The following IGFL4 variants were observed in gnomAD, a reference collection of about 807,000 sequenced individuals.
The protein encoded by IGFL4 is insulin growth factor-like family member 4.
IGFL4 carries 12 observed loss-of-function variants against 15.4 expected under a neutral mutation model. The ratio of observed to expected loss-of-function variants is 0.78; its 90% CI spans 0.50 to 1.26. The LOEUF is 1.26. IGFL4 is among the 50% of genes most tolerant of loss of function. IGFL4 has a pLI of 0.00. For synonymous variants in IGFL4, 54 were observed against 55.9 expected, an observed-to-expected ratio of 0.97 and a Z score of 0.16; for missense variants, 126 against 147.8, an observed-to-expected ratio of 0.85 and a Z score of 0.76.
intron 2 of IGFL4, among the ~76,000 whole-genome samples, chr19:46,048,768 A>G (rs1458048354): frequency 1.3e-5 from 2 of 152,236 alleles, no homozygotes; most frequent in African/African-American, 4.8e-5. Context: ...AAAATCAGAT[A>G]GGACACAAAT....
At chr19:46,046,932 C>G (rs190741838) in intron 2 of IGFL4, among the ~76,000 whole-genome samples, 77 of 152,278 alleles carry the variant, frequency 5.1e-4, no homozygotes, top group Non-Finnish European at 8.2e-4. Context: ...ACTCTCTACC[C>G]CAAACAACAG....
upstream of IGFL4, among the ~76,000 whole-genome samples, chr19:46,044,794 A>G (rs1969282205): frequency 6.6e-6 from 1 of 152,188 alleles, no homozygotes; most frequent in Non-Finnish European, 1.5e-5. Flanking sequence ...GCTGTTTTGC[A>G]GCCTTCACTG....
intron 1 of IGFL4, among the ~76,000 whole-genome samples, chr19:46,069,870 C>A (rs1338302593): frequency 1.3e-5 from 2 of 152,098 alleles, no homozygotes; most frequent in Non-Finnish European, 2.9e-5. Flanking sequence ...AAAATCTAAA[C>A]AATAGATTAG....
intron 2 of IGFL4, among the ~76,000 whole-genome samples, chr19:46,053,361 C>A (rs1969365353): frequency 6.6e-6 from 1 of 152,110 alleles, no homozygotes; most frequent in Admixed American, 6.5e-5. Context: ...ATTACAGGCA[C>A]CCACCACCAC....
chr19:46,046,423 G>A (rs1969297923), intron 2 of IGFL4, among the ~76,000 whole-genome samples: 1 of 152,174 alleles, frequency 6.6e-6, no homozygotes, highest in Non-Finnish European at 1.5e-5. Flanking sequence ...AACCTTAAAT[G>A]TAAGTGGGCT....
intron 1 of IGFL4, among the ~76,000 whole-genome samples, chr19:46,073,808 T>C (rs1049984448): frequency 3.3e-5 from 5 of 152,188 alleles, no homozygotes; most frequent in African/African-American, 1.2e-4. Flanking sequence ...CAACTTCTTT[T>C]CTGGACACTG....
At chr19:46,046,063 C>A (rs4803893) in intron 2 of IGFL4, among the ~76,000 whole-genome samples, 73,930 of 151,954 alleles carry the variant, frequency 0.49, 18,608 homozygotes, top group Non-Finnish European at 0.55. Context: ...TACCAGCGGA[C>A]CTCTCAGTGG....
At chr19:46,041,837 C>CTTTTTT (rs11334515), upstream of IGFL4, among the ~76,000 whole-genome samples, 49 of 109,864 alleles carry the variant, frequency 4.5e-4, no homozygotes, top group African/African-American at 1.6e-3. Context: ...TCCTCTCTCT[C>CTTTTTT]TTTTTTTTTT....
Position 46,050,355 on chromosome 19 carries a change from G to A in IGFL4, c.-322-9245C>T, listed in dbSNP as rs116876730. Among the ~76,000 whole-genome samples, 38 of 152,234 alleles carry A rather than the reference G, an allele frequency of 2.5e-4. No homozygotes were observed. In the East Asian group the frequency reaches 6.9e-3, roughly 28 times the overall value. ...TGCCAGAAAAAGAATTCAGAAGATC[G>A]ATTATGAAGCCAACCAAGGAGGCAC... On this transcript the variant is annotated intron_variant, in intron 2 of 5. Coordinates refer to the IGFL4 transcript ENST00000601672.
intron 1 of IGFL4, among the ~76,000 whole-genome samples, chr19:46,067,725 C>T (rs1969508307): frequency 6.6e-6 from 1 of 152,116 alleles, no homozygotes; most frequent in Admixed American, 6.5e-5. Context: ...GGGGCTCTGA[C>T]AGGGCCCCAG....
chr19:46,039,835 A>G lies in IGFL4; in HGVS notation c.*57T>C. 11 of 1,408,310 alleles carry G rather than the reference A, an allele frequency of 7.8e-6. No individual in the cohort carries two copies. In the South Asian group the frequency reaches 1.1e-4, roughly 15 times the overall value. The allele number at this position is 1,408,310 out of a possible 1,614,324, so 87.2% of individuals were successfully genotyped here. Reference sequence around the variant, plus strand: ...ACAACAACAACAAAATCAATGCAGTATAATTACCAAGTATTAGATTCTAGA... The same window carrying G: ...ACAACAACAACAAAATCAATGCAGTGTAATTACCAAGTATTAGATTCTAGA... On this transcript the variant is annotated 3_prime_UTR_variant, in exon 4 of 4. Transcript: ENST00000377697.
intron 2 of IGFL4, among the ~76,000 whole-genome samples, chr19:46,052,972 A>G (rs1256552086): frequency 4.0e-5 from 6 of 151,422 alleles, no homozygotes; most frequent in Admixed American, 2.0e-4. Flanking sequence ...AAAAGAAAAA[A>G]AAAAAAAAAA....
At chr19:46,055,211 G>A (rs2146518835) in intron 2 of IGFL4, among the ~76,000 whole-genome samples, 1 of 152,306 alleles carries the variant, frequency 6.6e-6, no homozygotes, top group Non-Finnish European at 1.5e-5. Flanking sequence ...AATGGCATTT[G>A]ATAACAGCAG....
intron 1 of IGFL4, among the ~76,000 whole-genome samples, chr19:46,066,128 C>T (rs1004151274): frequency 6.6e-6 from 1 of 152,118 alleles, no homozygotes; most frequent in African/African-American, 2.4e-5. Flanking sequence ...GAGCCAGCAC[C>T]TACCATCTTC....
At chr19:46,049,507 C>T (rs1969326164) in intron 2 of IGFL4, among the ~76,000 whole-genome samples, 1 of 152,074 alleles carries the variant, frequency 6.6e-6, no homozygotes, top group Non-Finnish European at 1.5e-5. Flanking sequence ...GGTTTTCCCT[C>T]ACTTCCCTGG....
At chr19:46,045,974 A>C (rs1568711002), upstream of IGFL4, among the ~76,000 whole-genome samples, 1 of 152,184 alleles carries the variant, frequency 6.6e-6, no homozygotes, top group Non-Finnish European at 1.5e-5. Flanking sequence ...CAGATTCTTC[A>C]TTGTCGAAAT....
intron 2 of IGFL4, among the ~76,000 whole-genome samples, chr19:46,048,184 T>C (rs1467427561): frequency 1.3e-5 from 2 of 152,174 alleles, no homozygotes; most frequent in East Asian, 1.9e-4. Context: ...ATTATCTCAA[T>C]AGATGCAGAA....
At chr19:46,050,305 C>A (rs1969333963) in intron 2 of IGFL4, among the ~76,000 whole-genome samples, 1 of 152,106 alleles carries the variant, frequency 6.6e-6, no homozygotes, top group Non-Finnish European at 1.5e-5. Flanking sequence ...AGCAATGGAT[C>A]CAAACCAAGA....
intron 1 of IGFL4, among the ~76,000 whole-genome samples, chr19:46,072,305 G>T (rs1474567741): frequency 1.3e-5 from 2 of 152,200 alleles, no homozygotes; most frequent in African/African-American, 2.4e-5. Context: ...CAGAACTAAG[G>T]TTCTGGATGG....
Sources: allele counts gnomAD v4.1 joint callset (sites outside exome capture counted in the v4.1 genomes callset), GRCh38; gene constraint gnomAD v4.1.1; transcripts MANE v1.5; gene names NCBI Gene and HGNC (gene_info 2026-07-23, HGNC 2026-07-21).